Variants in OPRM1 observed in about 807,000 individuals in gnomAD.
The protein encoded by OPRM1 is opioid receptor mu 1.
Under a neutral mutation model 31.8 loss-of-function variants are expected in OPRM1, and 27 were observed. That is an observed-to-expected ratio of 0.85 (90% CI 0.63 to 1.17). The LOEUF is 1.17. Ranked by LOEUF, OPRM1 falls within the 50% of genes most tolerant of loss-of-function variation. The pLI, the probability that OPRM1 is intolerant of heterozygous loss-of-function variation, is 0.00. For synonymous variants in OPRM1, 196 were observed against 189.9 expected (o/e 1.03, Z -0.26); for missense variants, 536 against 511.1 (o/e 1.05, Z -0.47).
intron 3 of OPRM1, among the ~76,000 whole-genome samples, chr6:154,145,451 A>T (rs964035627): frequency 6.6e-6 from 1 of 152,262 alleles, no homozygotes; most frequent in Non-Finnish European, 1.5e-5. Flanking sequence ...TAATACAAAC[A>T]TACAGGACTC....
At chr6:154,208,117 C>A (rs2128600971) in intron 3 of OPRM1, among the ~76,000 whole-genome samples, 1 of 152,208 alleles carries the variant, frequency 6.6e-6, no homozygotes, top group Non-Finnish European at 1.5e-5. Flanking sequence ...TGATTATATC[C>A]CTCCTCTGCT....
chr6:154,232,657 A>G (rs1302868323), intron 3 of OPRM1, among the ~76,000 whole-genome samples: 2 of 152,282 alleles, frequency 1.3e-5, no homozygotes, highest in East Asian at 3.9e-4. Context: ...CAGTCAACAC[A>G]TGGCACAGAA....
intron 3 of OPRM1, among the ~76,000 whole-genome samples, chr6:154,143,304 C>G (rs1798269582): frequency 6.6e-6 from 1 of 152,196 alleles, no homozygotes; most frequent in Admixed American, 6.5e-5. Flanking sequence ...TCTCATCACT[C>G]TTGCTCCATC....
At chr6:154,147,249 G>A (rs1798382564) in intron 3 of OPRM1, among the ~76,000 whole-genome samples, 1 of 152,154 alleles carries the variant, frequency 6.6e-6, no homozygotes, top group East Asian at 1.9e-4. Flanking sequence ...AACACCCAGT[G>A]GAGTCCATCT....
intron 3 of OPRM1, chr6:154,158,963 T>C (rs1798822946): frequency 6.6e-6 from 1 of 152,234 alleles, no homozygotes; most frequent in African/African-American, 2.4e-5. Context: ...CAAAGTCGTC[T>C]TGTCAATATT....
intron 3 of OPRM1, among the ~76,000 whole-genome samples, chr6:154,149,067 C>T (rs1239901372): frequency 6.6e-6 from 1 of 152,130 alleles, no homozygotes; most frequent in Non-Finnish European, 1.5e-5. Context: ...AGGGGAATTG[C>T]CTGTATCTTA....
At chr6:154,233,971 G>C (rs1779921643) in intron 3 of OPRM1, among the ~76,000 whole-genome samples, 1 of 152,154 alleles carries the variant, frequency 6.6e-6, no homozygotes, top group Non-Finnish European at 1.5e-5. Flanking sequence ...CACTTTGAGA[G>C]GCCAAAGCAG....
intron 1 of OPRM1, among the ~76,000 whole-genome samples, chr6:154,031,718 G>A (rs1779017826): frequency 6.6e-6 from 1 of 152,138 alleles, no homozygotes; most frequent in South Asian, 2.1e-4. Flanking sequence ...TCCAGCCTGG[G>A]TGACAGAGTG....
At chr6:154,227,207 AC>A (rs1779322917) in intron 3 of OPRM1, among the ~76,000 whole-genome samples, 1 of 152,104 alleles carries the variant, frequency 6.6e-6, no homozygotes, top group African/African-American at 2.4e-5. Flanking sequence ...CTGTCTCAAA[AC>A]AAACAAACAA....
At chr6:154,152,986 G>A (rs1007188120) in intron 3 of OPRM1, among the ~76,000 whole-genome samples, 4 of 151,000 alleles carry the variant, frequency 2.6e-5, no homozygotes. Context: ...CAATCCTCCC[G>A]CCTCAGCCTC....
intron 3 of OPRM1, among the ~76,000 whole-genome samples, chr6:154,096,005 C>G (rs1050475250): frequency 6.6e-6 from 1 of 152,072 alleles, no homozygotes; most frequent in Non-Finnish European, 1.5e-5. Context: ...GGTTTCCACC[C>G]GCATCATATT....
chr6:154,177,000 T>A lies in OPRM1; in HGVS notation c.1165-69693T>A, dbSNP rs562534304. On this transcript the variant is annotated intron_variant, in intron 3 of 3. Transcript: ENST00000337049. Reference sequence around the variant, plus strand: ...AAATAACACCACACATCTACAACCATCTGATCTGACAAACCTGACAAAAAC... The same window carrying A: ...AAATAACACCACACATCTACAACCAACTGATCTGACAAACCTGACAAAAAC... Among the ~76,000 whole-genome samples the A allele has an allele frequency of 2.4e-3, 358 of 152,206 alleles. 1 individual carries two copies. The highest frequency in any genetic ancestry group is 8.5e-3 in the African/African-American group (351 of 41,522).
At chr6:154,046,006 AC>A (rs1243839601) in intron 1 of OPRM1, among the ~76,000 whole-genome samples, 1 of 152,088 alleles carries the variant, frequency 6.6e-6, no homozygotes, top group Non-Finnish European at 1.5e-5. Flanking sequence ...TTGCCAAGCA[AC>A]CACTTTTCAA....
At chr6:154,037,981 T>C (rs897126764), upstream of OPRM1, among the ~76,000 whole-genome samples, 15 of 152,178 alleles carry the variant, frequency 9.9e-5, no homozygotes, top group African/African-American at 3.6e-4. Context: ...AGAATATGTT[T>C]TAAGGTATTT....
At chr6:154,146,995 A>G (rs1198942625) in intron 3 of OPRM1, among the ~76,000 whole-genome samples, 2 of 152,192 alleles carry the variant, frequency 1.3e-5, no homozygotes, top group East Asian at 1.9e-4. Context: ...ACATTGCACC[A>G]CAGAGCTGGT....
intron 3 of OPRM1, among the ~76,000 whole-genome samples, chr6:154,140,483 A>C (rs966775767): frequency 6.6e-5 from 10 of 152,092 alleles, no homozygotes; most frequent in African/African-American, 2.4e-4. Flanking sequence ...GGCGTGTGCC[A>C]CCACACCAGC....
chr6:154,013,035 G>GGT (rs144715858), intron 1 of OPRM1, among the ~76,000 whole-genome samples: 1 of 134,226 alleles, frequency 7.5e-6, no homozygotes, highest in Non-Finnish European at 1.6e-5. Flanking sequence ...TGGCAGGGCT[G>GGT]GGGGGGTACA....
intron 1 of OPRM1, among the ~76,000 whole-genome samples, chr6:154,052,957 T>A (rs904592501): frequency 6.6e-6 from 1 of 152,194 alleles, no homozygotes; most frequent in Non-Finnish European, 1.5e-5. Flanking sequence ...TGACAGAGCA[T>A]ATTGCTCTTC....
At chr6:154,178,372 G>A (rs1233653185) in intron 3 of OPRM1, among the ~76,000 whole-genome samples, 2 of 151,962 alleles carry the variant, frequency 1.3e-5, no homozygotes, top group African/African-American at 2.4e-5. Context: ...AGAATCTTAG[G>A]ATAACATGGC....
Sources: allele counts gnomAD v4.1 joint callset (sites outside exome capture counted in the v4.1 genomes callset), GRCh38; gene constraint gnomAD v4.1.1; transcripts MANE v1.5; gene names NCBI Gene and HGNC (gene_info 2026-07-23, HGNC 2026-07-21).